ULK4: variants seen among roughly 807,000 people sequenced by gnomAD.
ULK4 encodes the protein inactive serine/threonine-protein kinase ULK4.
Under a neutral mutation model 160.6 loss-of-function variants are expected in ULK4, and 133 were observed. The ratio of observed to expected loss-of-function variants is 0.83; its 90% CI spans 0.72 to 0.96. The LOEUF (loss-of-function observed/expected upper bound fraction) is 0.96. Ranked by LOEUF, ULK4 falls within the 40% of genes least tolerant of loss-of-function variation. The pLI is 0.00. For missense variants in ULK4, 1,580 were observed against 1,499.5 expected (o/e 1.05, Z -0.89); for synonymous variants, 534 against 539.8 (o/e 0.99, Z 0.15).
chr3:41,331,950 T>C (rs559702013), intron 35 of ULK4, among the ~76,000 whole-genome samples: 1 of 152,344 alleles, frequency 6.6e-6, no homozygotes, highest in Admixed American at 6.5e-5. Flanking sequence ...TATCTAGGAC[T>C]ATGGTATGAT....
At chr3:41,492,617 A>G (rs1319387907) in intron 32 of ULK4, among the ~76,000 whole-genome samples, 2 of 151,464 alleles carry the variant, frequency 1.3e-5, no homozygotes, top group African/African-American at 4.9e-5. Flanking sequence ...GCTCCAATTA[A>G]AAGACACAGA....
At chr3:41,773,362 C>A (rs373278289) in intron 21 of ULK4, among the ~76,000 whole-genome samples, 3 of 152,316 alleles carry the variant, frequency 2.0e-5, no homozygotes, top group East Asian at 3.9e-4. Flanking sequence ...TGATAAGCAA[C>A]TTCAGCAAAG....
intron 18 of ULK4, among the ~76,000 whole-genome samples, chr3:41,833,831 C>T (rs1444774925): frequency 1.3e-5 from 2 of 152,024 alleles, no homozygotes; most frequent in African/African-American, 4.8e-5. Context: ...TCCTCCCTTC[C>T]TATTTAAATG....
In ULK4 at chr3:41,455,506, G is replaced by A. The variant is rs2125871647; in HGVS notation, c.3483C>T (p.Leu1161=). The part of the protein sequence containing the change: ...NRPLTDLISL[L]IPLLPNEDPE... The stretch of plus-strand genomic sequence containing the variant: ...ACAGGTGAGCTCTTACCAGTGGAAT[G>A]AGCAGGCTAATCAGGTCTGTCAGAG... The change falls in exon 34 of 37, where the codon CTC becomes CTT. Residue 1161 remains leucine (L), a synonymous_variant. Coordinates refer to ENST00000301831, the MANE Select transcript of ULK4 (RefSeq NM_017886.4). 1 of 1,613,974 alleles carries A rather than the reference G, an allele frequency of 6.2e-7. No individual in the cohort carries two copies. Among genetic ancestry groups the A allele is most frequent in the South Asian group, 1.1e-5 (1 of 91,082 alleles).
At chr3:41,249,280 TC>T (rs2078700972) in intron 36 of ULK4, among the ~76,000 whole-genome samples, 1 of 152,170 alleles carries the variant, frequency 6.6e-6, no homozygotes, top group African/African-American at 2.4e-5. Context: ...TCCTGTCCCC[TC>T]ACTTTCCCCA....
intron 16 of ULK4, among the ~76,000 whole-genome samples, chr3:41,886,279 T>C (rs1445432492): frequency 2.0e-5 from 3 of 152,186 alleles, no homozygotes; most frequent in Non-Finnish European, 4.4e-5. Flanking sequence ...TATTCATTCA[T>C]TTACTTGTTT....
chr3:41,795,072 C>T (rs1033018044), intron 20 of ULK4, among the ~76,000 whole-genome samples: 4 of 152,130 alleles, frequency 2.6e-5, no homozygotes, highest in South Asian at 2.1e-4. Context: ...ACCTACAAGA[C>T]GTGCTCCTGA....
chr3:41,561,042 A>G lies in ULK4; in HGVS notation c.3226+4983T>C, dbSNP rs780983202. Among the ~76,000 whole-genome samples, 11 of 152,306 alleles carry G rather than the reference A, an allele frequency of 7.2e-5. No individual in the cohort carries two copies. The South Asian group carries it at 1.2e-3, about 17-fold the overall frequency. ...TCTTATTTTGAGATACGTTCCTTCA[A>G]TACCTAGTTTATTGAGAGTTTTTAG... On this transcript the variant is annotated intron_variant, in intron 32 of 36. Coordinates refer to ENST00000301831, the MANE Select transcript of ULK4 (RefSeq NM_017886.4).
At chr3:41,609,136 A>G (rs916082640) in intron 31 of ULK4, among the ~76,000 whole-genome samples, 1 of 152,148 alleles carries the variant, frequency 6.6e-6, no homozygotes, top group African/African-American at 2.4e-5. Flanking sequence ...ACTAAGCTCT[A>G]TTTTAGCTTT....
intron 17 of ULK4, 41 bp from the exon 18 acceptor site, chr3:41,836,012 T>C: frequency 1.5e-6 from 2 of 1,330,736 alleles, no homozygotes; most frequent in Non-Finnish European, 2.1e-6. Context: ...ATTTCAAATG[T>C]ATCTCTCAGT....
chr3:41,290,252 T>C (rs1172693918), intron 35 of ULK4, among the ~76,000 whole-genome samples: 1 of 152,208 alleles, frequency 6.6e-6, no homozygotes, highest in Admixed American at 6.5e-5. Context: ...GTGATGACAA[T>C]GATGCCGACA....
chr3:41,460,313 A>G (rs2083653778), intron 33 of ULK4, among the ~76,000 whole-genome samples: 2 of 152,220 alleles, frequency 1.3e-5, no homozygotes. Context: ...CCTGAATTAG[A>G]ATAATAAATA....
chr3:41,286,164 T>C (rs1038062448), intron 35 of ULK4, among the ~76,000 whole-genome samples: 4 of 152,212 alleles, frequency 2.6e-5, no homozygotes, highest in Non-Finnish European at 4.4e-5. Flanking sequence ...CAGAAATTGA[T>C]ACATAACGAT....
chr3:41,748,655 G>A (rs2038503521), intron 22 of ULK4, among the ~76,000 whole-genome samples: 1 of 152,034 alleles, frequency 6.6e-6, no homozygotes, highest in African/African-American at 2.4e-5. Context: ...TCCTGCCCCT[G>A]CACCTTCCTT....
chr3:41,751,954 G>A (rs188711882), intron 22 of ULK4, among the ~76,000 whole-genome samples: 1 of 152,134 alleles, frequency 6.6e-6, no homozygotes, highest in Non-Finnish European at 1.5e-5. Context: ...AAGAAGACAA[G>A]GGCTAACACA....
intron 35 of ULK4, among the ~76,000 whole-genome samples, chr3:41,305,989 G>T (rs569411779): frequency 8.0e-6 from 1 of 124,782 alleles, no homozygotes; most frequent in Non-Finnish European, 1.5e-5. Flanking sequence ...CCCGGCAACC[G>T]CCCCGTCTGA....
At chr3:41,773,900 C>T (rs568811597) in intron 21 of ULK4, among the ~76,000 whole-genome samples, 47 of 151,870 alleles carry the variant, frequency 3.1e-4, no homozygotes, top group African/African-American at 1.0e-3. Context: ...CAGAACAGAG[C>T]CCTCAGAAAT....
intron 31 of ULK4, among the ~76,000 whole-genome samples, chr3:41,591,810 A>G (rs1030749807): frequency 1.3e-5 from 2 of 152,238 alleles, no homozygotes; most frequent in Non-Finnish European, 2.9e-5. Context: ...CCCACGTTGC[A>G]CAGTTCATGT....
intron 32 of ULK4, among the ~76,000 whole-genome samples, chr3:41,474,009 T>C (rs2084067854): frequency 6.6e-6 from 1 of 152,072 alleles, no homozygotes; most frequent in Non-Finnish European, 1.5e-5. Flanking sequence ...AAAATTCAAA[T>C]GGAACCACAA....
Sources: allele counts gnomAD v4.1 joint callset (sites outside exome capture counted in the v4.1 genomes callset), GRCh38; gene constraint gnomAD v4.1.1; transcripts MANE v1.5; gene names NCBI Gene and HGNC (gene_info 2026-07-23, HGNC 2026-07-21).